KIAA1217: variants seen among roughly 807,000 people sequenced by gnomAD.
KIAA1217 encodes the protein KIAA1217.
Under a neutral mutation model 163.9 loss-of-function variants are expected in KIAA1217, and 88 were observed. That is an observed-to-expected ratio of 0.54 (90% CI 0.45 to 0.64). KIAA1217 has a LOEUF of 0.64. Among genes scored for constraint, KIAA1217 ranks in the 30% least tolerant of loss-of-function variants. KIAA1217 has a pLI of 0.00. For missense variants in KIAA1217, 2,372 were observed against 2,475.0 expected (o/e 0.96, Z 0.88); for synonymous variants, 903 against 923.1 (o/e 0.98, Z 0.39).
chr10:23,733,605 A>G (rs914137334), intron 1 of KIAA1217, among the ~76,000 whole-genome samples: 1 of 149,556 alleles, frequency 6.7e-6, no homozygotes, highest in African/African-American at 2.5e-5. Context: ...TAAAATTCAT[A>G]TTATTTTTGT....
chr10:24,317,191 A>G (rs1453331313), intron 2 of KIAA1217, among the ~76,000 whole-genome samples: 2 of 152,198 alleles, frequency 1.3e-5, no homozygotes, highest in Non-Finnish European at 1.5e-5. Flanking sequence ...GTTATGTTCA[A>G]TGTATACCTA....
At chr10:24,177,299 T>TATA (rs1554894744) in intron 2 of KIAA1217, among the ~76,000 whole-genome samples, 3,921 of 46,698 alleles carry the variant, frequency 0.084, 444 homozygotes, top group East Asian at 0.14. Flanking sequence ...ATATATATAT[T>TATA]ACAATTTCTT....
intron 2 of KIAA1217, among the ~76,000 whole-genome samples, chr10:24,380,034 A>C (rs1383793120): frequency 6.6e-6 from 1 of 152,186 alleles, no homozygotes; most frequent in African/African-American, 2.4e-5. Context: ...TCTGAGCAAC[A>C]AGAATGAAAC....
chr10:23,726,027 A>G (rs1218858758), intron 1 of KIAA1217, among the ~76,000 whole-genome samples: 1 of 152,164 alleles, frequency 6.6e-6, no homozygotes, highest in East Asian at 1.9e-4. Context: ...TCAAAAAGGG[A>G]CCATTCTGTA....
intron 2 of KIAA1217, among the ~76,000 whole-genome samples, chr10:24,360,093 C>T (rs2049765211): frequency 7.2e-6 from 1 of 139,242 alleles, no homozygotes; most frequent in Non-Finnish European, 1.5e-5. Flanking sequence ...GTCGCCCAGG[C>T]CGGAGTACAG....
At chr10:23,755,400 A>T (rs185931983) in intron 1 of KIAA1217, among the ~76,000 whole-genome samples, 5 of 152,296 alleles carry the variant, frequency 3.3e-5, no homozygotes, top group Admixed American at 3.3e-4. Context: ...AGGCATAATA[A>T]TCTTGTCCAA....
intron 1 of KIAA1217, among the ~76,000 whole-genome samples, chr10:23,857,997 A>G (rs1839778592): frequency 6.6e-6 from 1 of 151,502 alleles, no homozygotes; most frequent in Non-Finnish European, 1.5e-5. Context: ...TTCAAGTAGG[A>G]GACAGCAGCT....
intron 1 of KIAA1217, among the ~76,000 whole-genome samples, chr10:24,210,811 G>A (rs2366906): frequency 0.53 from 80,880 of 151,430 alleles, 21,871 homozygotes; most frequent in East Asian, 0.69. Context: ...TTCAGGGGGT[G>A]GGGAGCTGGT....
At chr10:23,863,192 A>ATTT (rs900606879) in intron 1 of KIAA1217, among the ~76,000 whole-genome samples, 2 of 152,182 alleles carry the variant, frequency 1.3e-5, no homozygotes, top group Non-Finnish European at 2.9e-5. Context: ...TCAAAGGGAC[A>ATTT]TTTTGAGAGT....
At chr10:24,397,025 A>G (rs1245561962) in intron 3 of KIAA1217, among the ~76,000 whole-genome samples, 1 of 151,560 alleles carries the variant, frequency 6.6e-6, no homozygotes, top group African/African-American at 2.4e-5. Context: ...TGGGTTCTGT[A>G]GATGCTTTGA....
intron 2 of KIAA1217, among the ~76,000 whole-genome samples, chr10:24,332,333 G>T (rs2045789058): frequency 1.3e-5 from 2 of 152,200 alleles, no homozygotes; most frequent in African/African-American, 2.4e-5. Flanking sequence ...AGCGTAGAGA[G>T]AATATAGAAC....
chr10:23,782,147 C>G (rs1784072301), intron 1 of KIAA1217, among the ~76,000 whole-genome samples: 2 of 151,888 alleles, frequency 1.3e-5, no homozygotes, highest in African/African-American at 4.8e-5. Flanking sequence ...CTGTATATTG[C>G]TAAGGGTAGT....
chr10:24,217,975 G>A (rs1005562695), intron 1 of KIAA1217, among the ~76,000 whole-genome samples: 5 of 152,004 alleles, frequency 3.3e-5, no homozygotes, highest in African/African-American at 7.3e-5. Context: ...TCTAAATGTC[G>A]GATTAAAGCC....
chr10:23,734,388 G>A (rs570733649), intron 1 of KIAA1217, among the ~76,000 whole-genome samples: 2 of 151,344 alleles, frequency 1.3e-5, no homozygotes, highest in African/African-American at 2.4e-5. Flanking sequence ...CCAGGTTCAA[G>A]CAATTCTCCT....
At chr10:23,877,106 C>G (rs531469378) in intron 1 of KIAA1217, among the ~76,000 whole-genome samples, 11 of 152,092 alleles carry the variant, frequency 7.2e-5, no homozygotes, top group African/African-American at 2.6e-4. Context: ...TAGTCTCAAA[C>G]TCATGTGTCA....
At chr10:24,437,043 G>C (rs190453143) in intron 4 of KIAA1217, among the ~76,000 whole-genome samples, 8 of 152,258 alleles carry the variant, frequency 5.3e-5, no homozygotes, top group Admixed American at 2.6e-4. Context: ...GTTCATCTCA[G>C]ATGAATATGT....
At chr10:24,115,510 T>G (rs1001281685) in intron 2 of KIAA1217, among the ~76,000 whole-genome samples, 4 of 152,206 alleles carry the variant, frequency 2.6e-5, no homozygotes, top group African/African-American at 9.6e-5. Context: ...GTAATACACA[T>G]GATCTCACAC....
intron 1 of KIAA1217, among the ~76,000 whole-genome samples, chr10:23,911,112 A>G (rs75571947): frequency 0.015 from 2,245 of 152,310 alleles, 61 homozygotes; most frequent in African/African-American, 0.048. Context: ...GGATGCAGGT[A>G]TCACTATCCC....
intron 2 of KIAA1217, among the ~76,000 whole-genome samples, chr10:24,200,089 C>T (rs2130517612): frequency 6.6e-6 from 1 of 152,158 alleles, no homozygotes; most frequent in African/African-American, 2.4e-5. Flanking sequence ...CTCCTGCTTC[C>T]TTCTCTACCT....
Sources: allele counts gnomAD v4.1 joint callset (sites outside exome capture counted in the v4.1 genomes callset), GRCh38; gene constraint gnomAD v4.1.1; transcripts MANE v1.5; gene names NCBI Gene and HGNC (gene_info 2026-07-23, HGNC 2026-07-21).